SLC9C1: variants seen among roughly 807,000 people sequenced by gnomAD.
SLC9C1 encodes the protein solute carrier family 9 member C1.
A neutral mutation model predicts 140.9 loss-of-function variants in SLC9C1; 97 were observed. The observed-to-expected ratio is 0.69, with a 90% CI of 0.58 to 0.82. The LOEUF is 0.82. Among genes scored for constraint, SLC9C1 ranks in the 40% least tolerant of loss-of-function variants. The probability of loss-of-function intolerance (pLI) is 0.00; values close to 1 mark genes in which losing one functional copy is unlikely to be tolerated. For synonymous variants in SLC9C1, 440 were observed against 442.6 expected (o/e 0.99, Z 0.07); for missense variants, 1,340 against 1,389.3 (o/e 0.96, Z 0.56).
chr3:112,157,970 T>C (rs982124730), intron 26 of SLC9C1, among the ~76,000 whole-genome samples: 7 of 152,006 alleles, frequency 4.6e-5, no homozygotes, highest in Non-Finnish European at 1.0e-4. Context: ...CAAACGAGAA[T>C]ACTTTGACTT....
chr3:112,168,103 A>G (rs1054872568), intron 25 of SLC9C1, among the ~76,000 whole-genome samples: 8 of 152,158 alleles, frequency 5.3e-5, no homozygotes, highest in African/African-American at 9.7e-5. Flanking sequence ...ACATCTTATT[A>G]ATATCTTTAC....
intron 10 of SLC9C1, among the ~76,000 whole-genome samples, chr3:112,248,569 A>G (rs2079358423): frequency 6.6e-6 from 1 of 152,120 alleles, no homozygotes. Flanking sequence ...AGTTTTGTAT[A>G]CTGAACATGA....
chr3:112,211,593 G>C (rs182222409), intron 15 of SLC9C1, among the ~76,000 whole-genome samples: 2 of 152,226 alleles, frequency 1.3e-5, no homozygotes, highest in African/African-American at 2.4e-5. Context: ...CCACGCCCAC[G>C]GAGCCTCACT....
chr3:112,224,835 T>A (rs1223469110), intron 13 of SLC9C1, among the ~76,000 whole-genome samples: 8 of 150,412 alleles, frequency 5.3e-5, no homozygotes, highest in African/African-American at 1.7e-4. Flanking sequence ...GAAAGAAAGA[T>A]AGATAGATAG....
In SLC9C1 at chr3:112,236,986, T is replaced by G. The variant is rs1369793160; in HGVS notation, c.1446+2854A>C. 2.7e-4 allele frequency among the ~76,000 whole-genome samples: 41 copies of G among 152,244 alleles called. 1 individual carries two copies. The highest frequency in any genetic ancestry group is 2.7e-3 in the Admixed American group (41 of 15,276). ...TCTGTAGATGTCTGTTAGGTCCGCT[T>G]GGTGCAGAGCTGAGCTCATTTCCTG... On this transcript the variant is annotated intron_variant, in intron 12 of 28. Transcript: ENST00000305815.
chr3:112,207,212 A>T (rs2078078536), intron 16 of SLC9C1, among the ~76,000 whole-genome samples: 1 of 152,188 alleles, frequency 6.6e-6, no homozygotes, highest in South Asian at 2.1e-4. Flanking sequence ...AAAGTGGGAG[A>T]TTTCAAAGAT....
chr3:112,278,661 T>C, intron 4 of SLC9C1, 68 bp downstream of exon 4: 1 of 1,492,184 alleles, frequency 6.7e-7, no homozygotes, highest in Non-Finnish European at 8.9e-7. Context: ...AAAAAAATAT[T>C]TTAAAAATTT....
At chr3:112,279,044 T>G (rs1332214881) in intron 3 of SLC9C1, 187 bp from the exon 4 acceptor site, 1 of 481,458 alleles carries the variant, frequency 2.1e-6, no homozygotes, top group Admixed American at 4.3e-5. Context: ...GTAGAAGATA[T>G]GTGTGGAAGA....
rs543186751 is a variant in SLC9C1, at chr3:112,289,632, C to T, written c.-87-2754G>A. 2.4e-4 allele frequency among the ~76,000 whole-genome samples: 37 copies of T among 152,256 alleles called. No individual in the cohort carries two copies. The East Asian group carries it at 6.0e-3, about 25-fold the overall frequency. On this transcript the variant is annotated intron_variant, in intron 1 of 28. Coordinates refer to ENST00000305815, the MANE Select transcript of SLC9C1 (RefSeq NM_183061.3). ...ATGTCAAAGAGGAGAACAACATTGG[C>T]GCAGCTGTGAGCCTAAGGCCAGCCT...
intron 26 of SLC9C1, among the ~76,000 whole-genome samples, chr3:112,156,947 A>C (rs11926448): frequency 0.3 from 45,125 of 151,952 alleles, 7,249 homozygotes; most frequent in East Asian, 0.42. Flanking sequence ...AATAGTTTGC[A>C]AATATTTTCT....
chr3:112,271,805 C>T (rs1004568208), intron 6 of SLC9C1, among the ~76,000 whole-genome samples: 1 of 152,092 alleles, frequency 6.6e-6, no homozygotes, highest in African/African-American at 2.4e-5. Context: ...ATTATGTTGG[C>T]CTGCCAAAGT....
chr3:112,202,168 C>T, intron 18 of SLC9C1, 82 bp downstream of exon 18: 1 of 1,467,902 alleles, frequency 6.8e-7, no homozygotes, highest in Non-Finnish European at 9.3e-7. Context: ...AAGACATCTG[C>T]ATATATGAAC....
intron 11 of SLC9C1, 90 bp from the exon 12 acceptor site, chr3:112,240,096 C>T (rs981040685): frequency 8.4e-7 from 1 of 1,194,460 alleles, no homozygotes; most frequent in Non-Finnish European, 1.2e-6. Context: ...AACTTATTGT[C>T]ACTAATCTTT....
chr3:112,277,345 A>C (rs2080242615), intron 5 of SLC9C1, among the ~76,000 whole-genome samples: 1 of 152,176 alleles, frequency 6.6e-6, no homozygotes, highest in Non-Finnish European at 1.5e-5. Flanking sequence ...AAAGGAAAAG[A>C]AATATTGGGC....
rs2080336324 is a variant in SLC9C1 at position 112,280,773 on chromosome 3, G to T, written c.99C>A (p.Asn33Lys). Residue 33 changes from asparagine (N) to lysine (K), a missense_variant, in exon 3 of 29, where the codon AAC becomes AAA. By Grantham distance (94) the Asn-to-Lys change is moderately conservative. Transcript: ENST00000305815. Reference sequence around the variant, plus strand: ...GAATTGGAAAGTCTTCCAAGTGCCGGTTCAAAAATGCTGCAAAAAATATGT... The same window carrying T: ...GAATTGGAAAGTCTTCCAAGTGCCGTTTCAAAAATGCTGCAAAAAATATGT... ...SLISSIGAFLNRHLEDFPIPV... is the reference protein window; with the variant it reads ...SLISSIGAFLKRHLEDFPIPV... 6.2e-7 allele frequency: 1 copy of T among 1,609,756 alleles called. No individual in the cohort carries two copies. Among genetic ancestry groups the T allele is most frequent in the African/African-American group, 1.3e-5 (1 of 74,682 alleles).
intron 28 of SLC9C1, chr3:112,151,616 C>T (rs1217798531): frequency 3.8e-6 from 2 of 520,830 alleles, no homozygotes; most frequent in Non-Finnish European, 7.2e-6. Context: ...GATTAAGTGG[C>T]AGTATATAGA....
chr3:112,280,375 A>AT (rs2080324488), intron 3 of SLC9C1, among the ~76,000 whole-genome samples: 1 of 152,018 alleles, frequency 6.6e-6, no homozygotes, highest in South Asian at 2.1e-4. Flanking sequence ...GTCATTAGCC[A>AT]TTTTTTTCCC....
chr3:112,189,080 G>A (rs866677820), intron 20 of SLC9C1, among the ~76,000 whole-genome samples: 1 of 144,768 alleles, frequency 6.9e-6, no homozygotes, highest in Non-Finnish European at 1.5e-5. Context: ...GGGGTTGTTT[G>A]TTTTTTTCTT....
At chr3:112,193,734 G>T (rs563323606) in intron 20 of SLC9C1, among the ~76,000 whole-genome samples, 2 of 152,162 alleles carry the variant, frequency 1.3e-5, no homozygotes, top group Non-Finnish European at 2.9e-5. Context: ...CTGGGGGTGT[G>T]TTATCTACTT....
Sources: allele counts gnomAD v4.1 joint callset (sites outside exome capture counted in the v4.1 genomes callset), GRCh38; gene constraint gnomAD v4.1.1; transcripts MANE v1.5; gene names NCBI Gene and HGNC (gene_info 2026-07-23, HGNC 2026-07-21).